MAN2C1: variants seen among roughly 807,000 people sequenced by gnomAD.
MAN2C1 encodes alpha-mannosidase 2C1.
In MAN2C1, 111 loss-of-function variants were observed where a neutral mutation model predicts 126.9. That is an observed-to-expected ratio of 0.87 (90% CI 0.75 to 1.02). The LOEUF (loss-of-function observed/expected upper bound fraction) is 1.02, where lower values mean the gene tolerates loss of function less well. Among genes scored for constraint, MAN2C1 ranks in the 50% least tolerant of loss-of-function variants. The pLI is 0.00. For missense variants in MAN2C1, 1,363 were observed against 1,364.4 expected (o/e 1.00, Z 0.02); for synonymous variants, 567 against 561.5 (o/e 1.01, Z -0.14).
rs1280559113 is a variant in MAN2C1 at position 75,364,069 on chromosome 15, C to T, written c.720G>A (p.Arg240=). The T allele has an allele frequency of 5.0e-6, 8 of 1,614,050 alleles. No individual in the cohort carries two copies. Among genetic ancestry groups the T allele is most frequent in the African/African-American group, 1.3e-5 (1 of 74,922 alleles). ...TTTCACCCCCATGTTGGCCAAAGAA[C>T]CTGGAGGCCAGGGCCTGGGCCACTG... is the stretch of plus-strand genomic sequence containing the variant. The part of the protein sequence containing the change: ...TFPVAQALAS[R]FFGQHGGESQ... Residue 240 remains arginine (R), a synonymous_variant, in exon 6 of 26, where the codon AGG becomes AGA. Transcript: ENST00000267978.
In MAN2C1 at chr15:75,362,344, AT is replaced by A. The variant is rs2072487330; in HGVS notation, c.1006del (p.Met336TrpfsTer12). Reference sequence around the variant, plus strand: ...CTGAGGAGTGCCCAGTGCACTTACCATCTCCACCCAGGTGCCCCCCACAGGC... The same window carrying A: ...CTGAGGAGTGCCCAGTGCACTTACCACTCCACCCAGGTGCCCCCCACAGGC... ...FVPVGGTWVE[M>X]DGNLPSGEAM... On this transcript the variant is annotated frameshift_variant and splice_region_variant, in exon 8 of 26. Coordinates refer to ENST00000267978, the MANE Select transcript of MAN2C1 (RefSeq NM_006715.4). LOFTEE classifies it high-confidence loss of function. This position sits in a 1 kb window ranked among gnomAD's most constrained non-coding sequence, Gnocchi z 4.5. The A allele has an allele frequency of 8.7e-6, 14 of 1,613,394 alleles. No individual in the cohort carries two copies. The highest frequency in any genetic ancestry group is 1.2e-5 in the Non-Finnish European group (14 of 1,179,746).
Position 75,362,223 on chromosome 15 carries a change from T to G in MAN2C1, c.1008+120A>C, listed in dbSNP as rs1053641696. The G allele has an allele frequency of 8.4e-5, 73 of 866,172 alleles. No homozygotes were observed. The highest frequency in any genetic ancestry group is 1.2e-4 in the Non-Finnish European group (67 of 542,614). The allele number at this position is 866,172 out of a possible 1,614,324, so 53.7% of individuals were successfully genotyped here. ...ATCCCAGGGACTAATGAGCCAGCCC[T>G]GCCACACAGCGGGGATGAGTGGCCC... On this transcript the variant is annotated intron_variant, in intron 8 of 25. Transcript: ENST00000267978. The surrounding 1 kb of genome is among the most constrained non-coding windows in gnomAD (Gnocchi z 4.5).
chr15:75,362,651 G>A lies in MAN2C1; in HGVS notation c.888C>T (p.Ala296=), dbSNP rs1045231191. 1.2e-6 allele frequency: 2 copies of A among 1,614,090 alleles called. No individual in the cohort carries two copies. Among genetic ancestry groups the A allele is most frequent in the Non-Finnish European group, 1.7e-6 (2 of 1,179,998 alleles). ...CAGCTGTCCCTCTGACCTGGGAGCA[G>A]GCAAAGATGAACTCAGGGTTCCGCT... The part of the protein sequence containing the change: ...LMERNPEFIF[A]CSQAQQLEWV... Residue 296 remains alanine (A), a synonymous_variant, in exon 7 of 26, where the codon GCC becomes GCT. Transcript: ENST00000267978. This position sits in a 1 kb window ranked among gnomAD's most constrained non-coding sequence, Gnocchi z 4.5.
intron 21 of MAN2C1, 164 bp downstream of exon 21, chr15:75,358,037 G>C (rs2072372976): frequency 1.2e-6 from 1 of 855,416 alleles, no homozygotes; most frequent in South Asian, 1.7e-5. Flanking sequence ...TTACAGGCGT[G>C]AGCCACTGTG....
chr15:75,356,380 G>C lies in MAN2C1; in HGVS notation c.2807C>G (p.Ala936Gly). ...SLNFPLLALP[A>G]PSPAPATSWS... ...GGAGGTGGCGGGCGCTGGGCTGGGG[G>C]CTGGCAGAGCCAACAGGGGGAAGTT... Residue 936 changes from alanine (A) to glycine (G), a missense_variant, in exon 24 of 26, where the codon GCC (alanine) becomes GGC (glycine). This residue lies in a region of MAN2C1 where 668 missense variants were observed against 650.1 expected (regional missense o/e 1.03). Transcript: ENST00000267978. This position sits in a 1 kb window ranked among gnomAD's most constrained non-coding sequence, Gnocchi z 5.8. 6.2e-7 allele frequency: 1 copy of C among 1,611,606 alleles called. No individual in the cohort carries two copies. Among genetic ancestry groups the C allele is most frequent in the South Asian group, 1.1e-5 (1 of 90,598 alleles).
chr15:75,360,307 C>A, intron 13 of MAN2C1, 96 bp from the exon 14 acceptor site: 1 of 1,527,890 alleles, frequency 6.5e-7, no homozygotes, highest in Non-Finnish European at 8.8e-7. Context: ...GAGGACTCAC[C>A]AAGGGCCTCG....
chr15:75,366,698 G>C, intron 3 of MAN2C1, 106 bp from the exon 4 acceptor site: 1 of 788,834 alleles, frequency 1.3e-6, no homozygotes, highest in East Asian at 3.1e-5. Context: ...CCCAGCTCTG[G>C]GTCCTCTCTC....
chr15:75,362,589 A>G lies in MAN2C1; in HGVS notation c.897+53T>C. On this transcript the variant is annotated intron_variant, in intron 7 of 25. Coordinates refer to ENST00000267978, the MANE Select transcript of MAN2C1 (RefSeq NM_006715.4). This position sits in a 1 kb window ranked among gnomAD's most constrained non-coding sequence, Gnocchi z 4.5. The stretch of plus-strand genomic sequence containing the variant: ...CCTGGGAAGCCTTCAGGGCCTGTGG[A>G]GCTCCAGGGAGGGCCACGTGCTTCC... The G allele has an allele frequency of 6.3e-7, 1 of 1,582,684 alleles. No homozygotes were observed. Among genetic ancestry groups the G allele is most frequent in the South Asian group, 1.1e-5 (1 of 89,666 alleles).
Position 75,361,456 on chromosome 15 carries a change from G to T in MAN2C1, c.1219-75C>A. The stretch of plus-strand genomic sequence containing the variant: ...AGGCAGAGCCAGGCCTTCCAGACTT[G>T]GTCCTGCCCCTGCCTGCTATGTGAC... On this transcript the variant is annotated intron_variant, in intron 10 of 25. Coordinates refer to ENST00000267978, the MANE Select transcript of MAN2C1 (RefSeq NM_006715.4). This position sits in a 1 kb window ranked among gnomAD's most constrained non-coding sequence, Gnocchi z 5.0. The T allele has an allele frequency of 7.4e-7, 1 of 1,344,486 alleles. No homozygotes were observed. The highest frequency in any genetic ancestry group is 1.1e-6 in the Non-Finnish European group (1 of 941,514). The allele number at this position is 1,344,486 out of a possible 1,614,324, so 83.3% of individuals were successfully genotyped here. A position where few individuals can be genotyped will look rare whatever the true frequency, so the allele number is the denominator to read the frequency against.
chr15:75,368,386 C>T (rs2072633894), intron 1 of MAN2C1, 97 bp downstream of exon 1: 16 of 1,430,724 alleles, frequency 1.1e-5, no homozygotes, highest in East Asian at 2.5e-5. Flanking sequence ...GCACTTTGTC[C>T]CGCGGCCCGG....
intron 17 of MAN2C1, 60 bp downstream of exon 17, chr15:75,359,268 C>T (rs1186776244): frequency 2.5e-6 from 4 of 1,585,346 alleles, no homozygotes; most frequent in African/African-American, 1.3e-5. Flanking sequence ...AGCTCAGGAC[C>T]CTCAGTTGTA....
intron 20 of MAN2C1, 46 bp downstream of exon 20, chr15:75,358,416 A>C (rs2072385359): frequency 6.2e-7 from 1 of 1,612,982 alleles, no homozygotes. Flanking sequence ...GCCCCTCCTT[A>C]CCAAGCACAC....
rs2072465270 is a variant in MAN2C1, at chr15:75,361,369, A to C, written c.1231T>G (p.Phe411Val). 2.6e-6 allele frequency: 4 copies of C among 1,563,930 alleles called. No homozygotes were observed. Among genetic ancestry groups the C allele is most frequent in the African/African-American group, 2.7e-5 (2 of 73,806 alleles). ...CGGGAGCCATCCAGGCCCTCCCAGAAAAATGTATGGTGCTACCAGCAGGGA... is the reference window on the plus strand; with the variant it reads ...CGGGAGCCATCCAGGCCCTCCCAGACAAATGTATGGTGCTACCAGCAGGGA... The part of the protein sequence containing the change: ...LVNSFPHHTF[F>V]WEGLDGSRVL... Residue 411 changes from phenylalanine to valine, a missense_variant, in exon 11 of 26, where the codon TTC becomes GTC. Physicochemically the swap from Phe to Val is conservative, Grantham distance 50. Coordinates refer to ENST00000267978, the MANE Select transcript of MAN2C1 (RefSeq NM_006715.4). The surrounding 1 kb of genome is among the most constrained non-coding windows in gnomAD (Gnocchi z 5.0).
intron 6 of MAN2C1, chr15:75,363,087 T>C (rs1199217205): frequency 2.4e-6 from 1 of 421,082 alleles, no homozygotes; most frequent in African/African-American, 2.0e-5. Context: ...ACTTGATGTA[T>C]ACCTGGGAAC....
In MAN2C1 at chr15:75,358,570, G is replaced by A. The variant is rs750927619; in HGVS notation, c.2295C>T (p.Gly765=). The A allele has an allele frequency of 9.3e-6, 15 of 1,613,334 alleles. No individual in the cohort carries two copies. The highest frequency in any genetic ancestry group is 3.3e-5 in the Admixed American group (2 of 60,018). ...AGAACCAGGCGCTGCCCCGCAGGCCGCCCTCGGTGCCCACTGCCAGGGTCC... is the reference window on the plus strand; with the variant it reads ...AGAACCAGGCGCTGCCCCGCAGGCCACCCTCGGTGCCCACTGCCAGGGTCC... ...QAGTLAVGTE[G]GLRGSAWFLL... is the part of the protein sequence containing the mutation. The change falls in exon 20 of 26, where the codon GGC becomes GGT. Residue 765 remains glycine, a synonymous_variant. Coordinates refer to ENST00000267978, the MANE Select transcript of MAN2C1 (RefSeq NM_006715.4).
chr15:75,359,403 C>A lies in MAN2C1; in HGVS notation c.1971G>T (p.Met657Ile). Residue 657 changes from methionine to isoleucine, a missense_variant, in exon 17 of 26, where the codon ATG becomes ATT. Around this residue, in one of 3 missense-constraint regions of MAN2C1, gnomAD observed 668 missense variants for 650.1 expected, o/e 1.03. Coordinates refer to ENST00000267978, the MANE Select transcript of MAN2C1 (RefSeq NM_006715.4). Reference protein sequence around the residue: ...HSLALVTVPSMGYAPVPPPTS... With the variant: ...HSLALVTVPSIGYAPVPPPTS... ...TGGGGGGAGGAACAGGAGCATAGCC[C>A]ATGCTGGGCACTGTCACCAGGGCTG... is the stretch of plus-strand genomic sequence containing the variant. 6.2e-7 allele frequency: 1 copy of A among 1,610,868 alleles called. No individual in the cohort carries two copies. The highest frequency in any genetic ancestry group is 1.7e-5 in the Admixed American group (1 of 59,858).
In MAN2C1 at chr15:75,361,589, C is replaced by G. The variant is rs375704400; in HGVS notation, c.1218+15G>C. 42 of 1,601,198 alleles carry G rather than the reference C, an allele frequency of 2.6e-5. No individual in the cohort carries two copies. In the South Asian group the frequency reaches 3.5e-4, roughly 13 times the overall value. ...GAGGCCCACTCTGACCCTGACCCCC[C>G]GGGGGCCTGCTTACTGGGAAGGAGT... On this transcript the variant is annotated intron_variant, in intron 10 of 25. Coordinates refer to ENST00000267978, the MANE Select transcript of MAN2C1 (RefSeq NM_006715.4). This position sits in a 1 kb window ranked among gnomAD's most constrained non-coding sequence, Gnocchi z 5.0.
chr15:75,365,736 C>CA (rs1055935715), intron 4 of MAN2C1: 5 of 200,440 alleles, frequency 2.5e-5, no homozygotes, highest in African/African-American at 4.8e-5. Context: ...CAAAAAAATC[C>CA]AAAAAAACCC....
At position 75,355,848 on chromosome 15, in the gene MAN2C1, G is replaced by A; in HGVS notation, c.*58C>T. On this transcript the variant is annotated 3_prime_UTR_variant, in exon 26 of 26. Transcript: ENST00000267978. The stretch of plus-strand genomic sequence containing the variant: ...AGACTGATCCCTGCTTTAGGCTGGG[G>A]AAGCAGAAATTAGGAGTCCCCAGAG... 1.9e-6 allele frequency: 3 copies of A among 1,601,048 alleles called. No individual in the cohort carries two copies. The highest frequency in any genetic ancestry group is 2.6e-6 in the Non-Finnish European group (3 of 1,171,518).
Sources: gnomAD v4.1 joint callset for allele counts on GRCh38, gnomAD v4.1.1 for gene constraint, gnomAD v4.1.1 regional missense constraint, Gnocchi (gnomAD v3.1) non-coding constraint, MANE v1.5 for transcripts, NCBI Gene and HGNC (gene_info 2026-07-23, HGNC 2026-07-21) for gene names.